The following SLC9A8 variants were observed in gnomAD, a reference collection of about 807,000 sequenced individuals.
SLC9A8 encodes the protein sodium/hydrogen exchanger 8.
A neutral mutation model predicts 66.6 loss-of-function variants in SLC9A8; 48 were observed. The observed-to-expected ratio is 0.72, with a 90% CI of 0.57 to 0.92. The LOEUF (loss-of-function observed/expected upper bound fraction) is 0.92, where lower values mean the gene tolerates loss of function less well. Ranked by LOEUF, SLC9A8 falls within the 40% of genes least tolerant of loss-of-function variation. SLC9A8 has a pLI of 0.00. For missense variants in SLC9A8, 599 were observed against 747.3 expected, an observed-to-expected ratio of 0.80 and a Z score of 2.31; for synonymous variants, 274 against 282.6, an observed-to-expected ratio of 0.97 and a Z score of 0.31.
intron 13 of SLC9A8, among the ~76,000 whole-genome samples, chr20:49,881,526 T>G (rs575414797): frequency 1.3e-5 from 2 of 152,364 alleles, no homozygotes; most frequent in South Asian, 4.1e-4. Flanking sequence ...GGAAATGATT[T>G]CATACATCTT....
chr20:49,871,984 G>A (rs2089225990), intron 10 of SLC9A8, among the ~76,000 whole-genome samples: 1 of 152,186 alleles, frequency 6.6e-6, no homozygotes, highest in Non-Finnish European at 1.5e-5. Context: ...AGGCTGAGCC[G>A]AGACTGCGCC....
chr20:49,819,351 G>GA (rs2086658536), intron 2 of SLC9A8, among the ~76,000 whole-genome samples: 1 of 152,184 alleles, frequency 6.6e-6, no homozygotes, highest in African/African-American at 2.4e-5. Flanking sequence ...AAGTGTACTT[G>GA]AAAACGTGCT....
chr20:49,842,222 A>G (rs570048786), intron 4 of SLC9A8, among the ~76,000 whole-genome samples: 18 of 151,238 alleles, frequency 1.2e-4, no homozygotes, highest in Non-Finnish European at 2.5e-4. Context: ...GGTGCCTGCC[A>G]CCACGCCCGG....
rs781747584 is a variant in SLC9A8, at chr20:49,874,754, C to T, written c.1008C>T (p.His336=). 1.9e-6 allele frequency: 3 copies of T among 1,614,026 alleles called. No individual in the cohort carries two copies. The Admixed American group carries it at 5.0e-5, about 27-fold the overall frequency. The part of the protein sequence containing the change: ...FSGIVMSHYT[H]HNLSPVTQIL... ...GCATCGTGATGTCCCACTACACGCA[C>T]CATAACCTCTCCCCAGTCACCCAGA... Residue 336 remains histidine, a synonymous_variant, in exon 11 of 16, where the codon CAC becomes CAT. Coordinates refer to ENST00000361573, the MANE Select transcript of SLC9A8 (RefSeq NM_015266.3).
intron 10 of SLC9A8, among the ~76,000 whole-genome samples, chr20:49,867,339 G>T (rs1441654484): frequency 6.6e-6 from 1 of 152,010 alleles, no homozygotes; most frequent in Non-Finnish European, 1.5e-5. Context: ...TCCTTCTTGA[G>T]GCTTACATTT....
intron 3 of SLC9A8, chr20:49,830,711 TG>T: frequency 2.9e-6 from 2 of 691,062 alleles, no homozygotes; most frequent in South Asian, 3.1e-5. Context: ...CCTTCCTAGG[TG>T]AAGTTGGCAA....
At chr20:49,887,330 C>T (rs1018479293) in intron 15 of SLC9A8, among the ~76,000 whole-genome samples, 9 of 152,238 alleles carry the variant, frequency 5.9e-5, no homozygotes, top group South Asian at 2.1e-4. Context: ...TGCTGCTGCC[C>T]GCTTTGTTTC....
intron 3 of SLC9A8, among the ~76,000 whole-genome samples, chr20:49,826,913 T>C (rs978843203): frequency 2.0e-5 from 3 of 152,090 alleles, no homozygotes; most frequent in Non-Finnish European, 2.9e-5. Flanking sequence ...TTCTGTTCTT[T>C]CCATGTATTA....
intron 12 of SLC9A8, among the ~76,000 whole-genome samples, chr20:49,879,300 C>T (rs1483629448): frequency 6.6e-6 from 1 of 152,156 alleles, no homozygotes; most frequent in Admixed American, 6.5e-5. Context: ...ATTTAGTGGT[C>T]AAGAGCATGG....
At chr20:49,829,857 A>G (rs1470708159) in intron 3 of SLC9A8, 3 of 565,504 alleles carry the variant, frequency 5.3e-6, no homozygotes, top group African/African-American at 1.9e-5. Flanking sequence ...ATCATGGGAG[A>G]TGGAAAGAAG....
chr20:49,825,470 T>C (rs1201684639), intron 3 of SLC9A8, among the ~76,000 whole-genome samples: 1 of 152,100 alleles, frequency 6.6e-6, no homozygotes, highest in African/African-American at 2.4e-5. Flanking sequence ...GTGAAACCCC[T>C]GTCTCTACTA....
At position 49,862,644 on chromosome 20, in the gene SLC9A8, C is replaced by G. The variant is rs932287968; in HGVS notation, c.714-285C>G. On this transcript the variant is annotated intron_variant, in intron 8 of 15. Transcript: ENST00000361573. ...ACCCACCCTGCTTTTCTACAGCCCT[C>G]TACCCCTCCCGCGGATTGTCATTAG... is the stretch of plus-strand genomic sequence containing the variant. Among the ~76,000 whole-genome samples, 3 of 152,188 alleles carry G rather than the reference C, an allele frequency of 2.0e-5. No homozygotes were observed. In the East Asian group the frequency reaches 5.8e-4, roughly 29 times the overall value.
rs2089971563 is a variant in SLC9A8, at chr20:49,888,515, C to G, written c.*579C>G. 6.4e-6 allele frequency: 1 copy of G among 156,030 alleles called. No homozygotes were observed. The highest frequency in any genetic ancestry group is 2.4e-5 in the African/African-American group (1 of 41,462). 9.7% of individuals were successfully genotyped at this position (156,030 alleles called of 1,614,324 possible). Reference sequence around the variant, plus strand: ...AACGGAGTGACCTTTTGTCCTTTACCTGATTGGCACTTCGCAGTCTATCTC... The same window carrying G: ...AACGGAGTGACCTTTTGTCCTTTACGTGATTGGCACTTCGCAGTCTATCTC... On this transcript the variant is annotated 3_prime_UTR_variant, in exon 16 of 16. Transcript: ENST00000361573.
chr20:49,822,101 A>G (rs2086759512), intron 2 of SLC9A8, among the ~76,000 whole-genome samples: 1 of 152,092 alleles, frequency 6.6e-6, no homozygotes, highest in African/African-American at 2.4e-5. Flanking sequence ...TAAATGAGAG[A>G]GTATTTGGGG....
intron 3 of SLC9A8, 120 bp from the exon 4 acceptor site, chr20:49,839,421 T>C: frequency 1.8e-6 from 1 of 556,550 alleles, no homozygotes; most frequent in Non-Finnish European, 3.2e-6. Context: ...AAAACGAAGC[T>C]GTGCCCCAAC....
chr20:49,823,507 C>T (rs1483464714), intron 3 of SLC9A8, among the ~76,000 whole-genome samples: 1 of 152,162 alleles, frequency 6.6e-6, no homozygotes, highest in Non-Finnish European at 1.5e-5. Context: ...CATAGAATCA[C>T]TCAATTTTAT....
chr20:49,886,703 C>T lies in SLC9A8; in HGVS notation c.1492-49C>T, dbSNP rs1477492247. On this transcript the variant is annotated intron_variant, in intron 14 of 15. Transcript: ENST00000361573. The surrounding 1 kb of genome is among the most constrained non-coding windows in gnomAD (Gnocchi z 4.8). ...TGTGGGGGCTTCCAGGAGGTGCCCC[C>T]CGATGGTGCCAGCTGGTGGCCGTCG... 1 of 1,591,234 alleles carries T rather than the reference C, an allele frequency of 6.3e-7. No homozygotes were observed. Among genetic ancestry groups the T allele is most frequent in the East Asian group, 2.3e-5 (1 of 44,382 alleles).
intron 10 of SLC9A8, among the ~76,000 whole-genome samples, chr20:49,867,251 AAC>A (rs2089009821): frequency 6.6e-6 from 1 of 152,164 alleles, no homozygotes; most frequent in Admixed American, 6.5e-5. Context: ...TTCTTTTAAA[AAC>A]AATTTTTTTT....
chr20:49,850,336 A>G (rs552821104), intron 6 of SLC9A8, among the ~76,000 whole-genome samples: 29 of 152,236 alleles, frequency 1.9e-4, no homozygotes, highest in African/African-American at 6.7e-4. Context: ...CTTTTCCTTT[A>G]TTGTCAGTTG....
Sources: allele counts gnomAD v4.1 joint callset (sites outside exome capture counted in the v4.1 genomes callset), GRCh38; gene constraint gnomAD v4.1.1; non-coding constraint Gnocchi (gnomAD v3.1); transcripts MANE v1.5; gene names NCBI Gene and HGNC (gene_info 2026-07-23, HGNC 2026-07-21).